THUMPD2: variants seen among roughly 807,000 people sequenced by gnomAD.
THUMPD2 encodes THUMP domain 2 tRNA and snRNA guanosine methyltransferase.
A neutral mutation model predicts 49.4 loss-of-function variants in THUMPD2; 56 were observed. The observed-to-expected ratio is 1.13, with a 90% CI of 0.91 to 1.41. The LOEUF (loss-of-function observed/expected upper bound fraction) is 1.41. Ranked by LOEUF, THUMPD2 falls within the 40% of genes most tolerant of loss-of-function variation. The probability of loss-of-function intolerance (pLI) is 0.00; values close to 1 mark genes in which losing one functional copy is unlikely to be tolerated. For missense variants in THUMPD2, 709 were observed against 594.5 expected, an observed-to-expected ratio of 1.19 and a Z score of -2.00; for synonymous variants, 237 against 205.2, an observed-to-expected ratio of 1.15 and a Z score of -1.32.
At chr2:39,754,713 T>A (rs1675864510) in intron 8 of THUMPD2, among the ~76,000 whole-genome samples, 4 of 152,342 alleles carry the variant, frequency 2.6e-5, no homozygotes, top group Admixed American at 2.6e-4. Flanking sequence ...TTCCTAGTTA[T>A]GTGTGTCACT....
At chr2:39,775,255 A>G (rs1301132484) in intron 1 of THUMPD2, among the ~76,000 whole-genome samples, 3 of 152,184 alleles carry the variant, frequency 2.0e-5, no homozygotes, top group Non-Finnish European at 4.4e-5. Context: ...CCCTAGCCTG[A>G]GTGACAGAGC....
chr2:39,743,552 C>A (rs1674184991), intron 9 of THUMPD2, among the ~76,000 whole-genome samples: 4 of 152,152 alleles, frequency 2.6e-5, no homozygotes, highest in Non-Finnish European at 5.9e-5. Flanking sequence ...GGGTAGATAT[C>A]TCATGAATAG....
At chr2:39,771,470 T>C (rs761763885) in intron 2 of THUMPD2, 35 bp downstream of exon 2, 1 of 1,562,634 alleles carries the variant, frequency 6.4e-7, no homozygotes, top group Admixed American at 2.2e-5. Context: ...ATGTATCATG[T>C]GGGTAAAAGC....
At chr2:39,749,663 T>C (rs1433759562) in intron 8 of THUMPD2, among the ~76,000 whole-genome samples, 1 of 152,150 alleles carries the variant, frequency 6.6e-6, no homozygotes, top group African/African-American at 2.4e-5. Flanking sequence ...TGCTACATAA[T>C]GTGTGTACCG....
intron 5 of THUMPD2, among the ~76,000 whole-genome samples, chr2:39,764,207 T>C (rs1300146845): frequency 2.0e-5 from 3 of 152,220 alleles, no homozygotes; most frequent in Non-Finnish European, 2.9e-5. Context: ...TGGATTGAAC[T>C]GTTTCAAAAG....
chr2:39,771,429 C>T, intron 2 of THUMPD2, 76 bp downstream of exon 2: 1 of 1,432,832 alleles, frequency 7.0e-7, no homozygotes, highest in South Asian at 1.4e-5. Flanking sequence ...AAAATGGCTA[C>T]ATATTATCAA....
In THUMPD2 at chr2:39,736,857, T is replaced by A; in HGVS notation, c.1390A>T (p.Lys464Ter). The A allele has an allele frequency of 6.2e-7, 1 of 1,614,232 alleles. No homozygotes were observed. The highest frequency in any genetic ancestry group is 8.5e-7 in the Non-Finnish European group (1 of 1,180,032). The change falls in exon 10 of 10, where the codon AAA (lysine) becomes TAA (stop). Residue 464 changes from lysine (K) to a stop codon, truncating the protein, a stop_gained. Transcript: ENST00000505747. LOFTEE classifies it low-confidence loss of function (END_TRUNC). The stretch of plus-strand genomic sequence containing the variant: ...AATGGTGACATTCTGTCTAAGAATT[T>A]GTGGTTACTGGCTTCGAATGAAGTT... ...ASTSFEASNH[K>*]FLDRMSPFGS...
At chr2:39,746,067 CG>C (rs1674544699) in intron 8 of THUMPD2, among the ~76,000 whole-genome samples, 1 of 152,180 alleles carries the variant, frequency 6.6e-6, no homozygotes, top group South Asian at 2.1e-4. Flanking sequence ...ATTTAGAACA[CG>C]GCCTGGCACA....
chr2:39,741,165 G>A (rs1216534063), intron 9 of THUMPD2, among the ~76,000 whole-genome samples: 1 of 152,146 alleles, frequency 6.6e-6, no homozygotes, highest in African/African-American at 2.4e-5. Context: ...TAAGTTGGGG[G>A]AAGTCTGTAT....
chr2:39,761,537 AT>A, intron 5 of THUMPD2, 119 bp from the exon 6 acceptor site: 1 of 922,306 alleles, frequency 1.1e-6, no homozygotes, highest in Non-Finnish European at 1.7e-6. Flanking sequence ...ACACTAAAGT[AT>A]TCCCTAAGTT....
chr2:39,766,199 G>A, intron 4 of THUMPD2, 90 bp from the exon 5 acceptor site: 1 of 938,876 alleles, frequency 1.1e-6, no homozygotes, highest in Non-Finnish European at 1.6e-6. Context: ...AAACTTACAT[G>A]ATCTATGTTT....
chr2:39,764,622 C>G (rs17024325), intron 5 of THUMPD2, among the ~76,000 whole-genome samples: 6,794 of 152,270 alleles, frequency 0.045, 214 homozygotes, highest in African/African-American at 0.082. Flanking sequence ...TTTGTTTCAT[C>G]ATTTCAGACT....
At chr2:39,765,927 A>G (rs866250270) in intron 5 of THUMPD2, 130 bp downstream of exon 5, 13 of 743,246 alleles carry the variant, frequency 1.7e-5, no homozygotes, top group Middle Eastern at 2.5e-4. Flanking sequence ...GTCTTAAGCA[A>G]AGAATTCAAA....
At chr2:39,755,994 G>C in intron 6 of THUMPD2, 34 bp from the exon 7 acceptor site, 1 of 1,571,330 alleles carries the variant, frequency 6.4e-7, no homozygotes, top group Non-Finnish European at 8.8e-7. Flanking sequence ...GTATTATTAA[G>C]ACTACCATAG....
rs1451979847 is a variant in THUMPD2 at position 39,770,033 on chromosome 2, CAAG to C, written c.346_348del (p.Leu116del). 13 of 1,574,848 alleles carry C rather than the reference CAAG, an allele frequency of 8.3e-6. No individual in the cohort carries two copies. Among genetic ancestry groups the C allele is most frequent in the South Asian group, 2.4e-5 (2 of 82,456 alleles). Reference sequence around the variant, plus strand: ...AGTTTTTCCTTTTTTGCATCAAGTTCAAGAAGATTTTTCCAAATTGAAATGGCA... The same window carrying C: ...AGTTTTTCCTTTTTTGCATCAAGTTCAAGATTTTTCCAAATTGAAATGGCA... On this transcript the variant is annotated inframe_deletion, in exon 3 of 10. Transcript: ENST00000505747.
At chr2:39,746,885 CT>C (rs1428939167) in intron 8 of THUMPD2, among the ~76,000 whole-genome samples, 2 of 134,280 alleles carry the variant, frequency 1.5e-5, no homozygotes, top group Non-Finnish European at 3.2e-5. Flanking sequence ...GTTCCTTGTT[CT>C]TTCTGTTTAT....
chr2:39,767,336 G>T (rs1452066851), intron 4 of THUMPD2, among the ~76,000 whole-genome samples: 2 of 152,058 alleles, frequency 1.3e-5, no homozygotes, highest in African/African-American at 4.8e-5. Flanking sequence ...CGGGCGCGGT[G>T]GCTCACGCCT....
intron 5 of THUMPD2, among the ~76,000 whole-genome samples, chr2:39,764,902 G>C (rs192289422): frequency 0.027 from 4,088 of 152,112 alleles, 77 homozygotes; most frequent in South Asian, 0.038. Context: ...TCTTTTATTT[G>C]TAAACTTCAA....
At chr2:39,760,597 CA>C (rs1335724812) in intron 6 of THUMPD2, among the ~76,000 whole-genome samples, 1 of 151,772 alleles carries the variant, frequency 6.6e-6, no homozygotes, top group Non-Finnish European at 1.5e-5. Flanking sequence ...GAGAGACCAT[CA>C]GAGTGGAGTA....
Sources: allele counts gnomAD v4.1 joint callset (sites outside exome capture counted in the v4.1 genomes callset), GRCh38; gene constraint gnomAD v4.1.1; transcripts MANE v1.5; gene names NCBI Gene and HGNC (gene_info 2026-07-23, HGNC 2026-07-21).